CASR: variants seen among roughly 807,000 people sequenced by gnomAD.
CASR encodes the protein calcium sensing receptor, also known as extracellular calcium-sensing receptor.
CASR carries 23 observed loss-of-function variants against 69.1 expected under a neutral mutation model. That is an observed-to-expected ratio of 0.33 (90% CI 0.24 to 0.47). The LOEUF (loss-of-function observed/expected upper bound fraction) is 0.47, where lower values mean the gene tolerates loss of function less well. Among genes scored for constraint, CASR ranks in the 20% least tolerant of loss-of-function variants. CASR has a pLI of 1.00. For synonymous variants in CASR, 541 were observed against 544.7 expected (o/e 0.99, Z 0.10); for missense variants, 924 against 1,356.1 (o/e 0.68, Z 5.00).
intron 1 of CASR, among the ~76,000 whole-genome samples, chr3:122,213,972 G>T (rs1326613009): frequency 2.0e-5 from 3 of 152,188 alleles, no homozygotes; most frequent in African/African-American, 7.2e-5. Context: ...TCAGTGTCTT[G>T]TCTGCCCATG....
intron 1 of CASR, among the ~76,000 whole-genome samples, chr3:122,192,110 G>A (rs1250035699): frequency 6.6e-6 from 1 of 152,194 alleles, no homozygotes; most frequent in Non-Finnish European, 1.5e-5. Flanking sequence ...TGAAACACAA[G>A]AAAAAGCCTA....
At chr3:122,189,888 A>G (rs1196670549) in intron 1 of CASR, among the ~76,000 whole-genome samples, 1 of 152,158 alleles carries the variant, frequency 6.6e-6, no homozygotes, top group African/African-American at 2.4e-5. Flanking sequence ...TATCTTTCAT[A>G]TAGTTTTTCT....
At chr3:122,188,291 A>G (rs2073806473) in intron 1 of CASR, among the ~76,000 whole-genome samples, 1 of 152,246 alleles carries the variant, frequency 6.6e-6, no homozygotes, top group Non-Finnish European at 1.5e-5. Flanking sequence ...GATATCGTCA[A>G]AGTAGACTCC....
At chr3:122,277,193 C>G (rs35991472) in intron 5 of CASR, among the ~76,000 whole-genome samples, 54 of 151,746 alleles carry the variant, frequency 3.6e-4, no homozygotes, top group Non-Finnish European at 4.4e-4. Context: ...GAATTACAGG[C>G]GCACCACCAC....
intron 1 of CASR, among the ~76,000 whole-genome samples, chr3:122,233,195 G>A (rs189441604): frequency 5.8e-4 from 88 of 152,192 alleles, no homozygotes; most frequent in African/African-American, 1.9e-3. Context: ...CCCCAAAATC[G>A]CCTACCACAA....
At chr3:122,190,627 G>C (rs539451206) in intron 1 of CASR, among the ~76,000 whole-genome samples, 1 of 152,174 alleles carries the variant, frequency 6.6e-6, no homozygotes, top group Non-Finnish European at 1.5e-5. Flanking sequence ...CATAGACAGC[G>C]TGTCTTATTC....
chr3:122,277,264 C>T (rs985674601), intron 5 of CASR, among the ~76,000 whole-genome samples: 14 of 152,114 alleles, frequency 9.2e-5, no homozygotes, highest in Non-Finnish European at 1.9e-4. Flanking sequence ...CCAGGCTGGT[C>T]ACGAACTCCT....
Position 122,284,877 on chromosome 3 carries a change from T to C in CASR, c.2923T>C (p.Phe975Leu), listed in dbSNP as rs1369350273. 6.2e-7 allele frequency: 1 copy of C among 1,614,176 alleles called. No homozygotes were observed. The highest frequency in any genetic ancestry group is 1.1e-5 in the South Asian group (1 of 91,082). The change falls in exon 7 of 7, where the codon TTC becomes CTC. Residue 975 changes from phenylalanine (F) to leucine (L), a missense_variant. By Grantham distance (22) the Phe-to-Leu change is conservative (BLOSUM62 0). Coordinates refer to ENST00000639785, the MANE Select transcript of CASR (RefSeq NM_000388.4). ...CATCTTTGGCAGCGGCACGGTCACC[T>C]TCTCACTGAGCTTTGATGAGCCTCA... ...KVIFGSGTVTFSLSFDEPQKN... is the reference protein window; with the variant it reads ...KVIFGSGTVTLSLSFDEPQKN...
intron 1 of CASR, among the ~76,000 whole-genome samples, chr3:122,203,342 A>G (rs938366869): frequency 6.6e-6 from 1 of 152,168 alleles, no homozygotes; most frequent in African/African-American, 2.4e-5. Context: ...TTGTTAGGTG[A>G]TTTCATTATT....
At chr3:122,217,631 C>T (rs1349853865) in intron 1 of CASR, among the ~76,000 whole-genome samples, 1 of 152,190 alleles carries the variant, frequency 6.6e-6, no homozygotes, top group Non-Finnish European at 1.5e-5. Flanking sequence ...CTTATCAGCT[C>T]ATCTTACACC....
rs1055922551 is a variant in CASR, at chr3:122,285,918, G to A, written c.*727G>A. On this transcript the variant is annotated 3_prime_UTR_variant, in exon 7 of 7. Coordinates refer to ENST00000639785, the MANE Select transcript of CASR (RefSeq NM_000388.4). ...TTATCCTTAGGAAAATGCTTCTGTTGTAATAGTCCATGGACAATATAAACT... is the reference window on the plus strand; with the variant it reads ...TTATCCTTAGGAAAATGCTTCTGTTATAATAGTCCATGGACAATATAAACT... The A allele has an allele frequency of 2.6e-5, 4 of 153,554 alleles. No individual in the cohort carries two copies. Among genetic ancestry groups the A allele is most frequent in the African/African-American group, 9.7e-5 (4 of 41,420 alleles). 9.5% of individuals were successfully genotyped at this position (153,554 alleles called of 1,614,324 possible).
chr3:122,232,576 G>T (rs558683132), intron 1 of CASR, among the ~76,000 whole-genome samples: 1 of 152,212 alleles, frequency 6.6e-6, no homozygotes, highest in Non-Finnish European at 1.5e-5. Context: ...GAGAGGGAGA[G>T]TGGTGTGGGA....
At chr3:122,228,137 C>T (rs1479039128) in intron 1 of CASR, among the ~76,000 whole-genome samples, 2 of 152,148 alleles carry the variant, frequency 1.3e-5, no homozygotes, top group African/African-American at 4.8e-5. Context: ...TAGTATTGGA[C>T]AAGTCACTTA....
chr3:122,237,874 G>C (rs1026355975), intron 1 of CASR, among the ~76,000 whole-genome samples: 2 of 152,172 alleles, frequency 1.3e-5, no homozygotes, highest in African/African-American at 4.8e-5. Flanking sequence ...CTTTTTGGTA[G>C]TATCTACTAA....
In CASR at chr3:122,283,892, C is replaced by G; in HGVS notation, c.1938C>G (p.Thr646=). Residue 646 remains threonine (T), a synonymous_variant, in exon 7 of 7, where the codon ACC becomes ACG. Coordinates refer to ENST00000639785, the MANE Select transcript of CASR (RefSeq NM_000388.4). The part of the protein sequence containing the change: ...KFRNTPIVKA[T]NRELSYLLLF... ...GCAACACACCCATTGTCAAGGCCAC[C>G]AACCGAGAGCTCTCCTACCTCCTCC... is the stretch of plus-strand genomic sequence containing the variant. The G allele has an allele frequency of 6.2e-7, 1 of 1,613,816 alleles. No homozygotes were observed.
intron 4 of CASR, 73 bp from the exon 5 acceptor site, chr3:122,275,739 G>T (rs1289405234): frequency 4.1e-6 from 4 of 969,340 alleles, no homozygotes; most frequent in Non-Finnish European, 6.7e-6. Flanking sequence ...CCGTTGTTGT[G>T]CAGGGCACAG....
chr3:122,254,821 G>A (rs1454828037), intron 2 of CASR, among the ~76,000 whole-genome samples: 1 of 151,674 alleles, frequency 6.6e-6, no homozygotes, highest in Non-Finnish European at 1.5e-5. Flanking sequence ...TTTTTTTAAG[G>A]CATTTAAGTT....
intron 1 of CASR, among the ~76,000 whole-genome samples, chr3:122,185,835 G>A (rs2073774302): frequency 6.6e-6 from 1 of 152,154 alleles, no homozygotes. Flanking sequence ...AAAGGGGAGG[G>A]GAAGATGTAG....
intron 1 of CASR, among the ~76,000 whole-genome samples, chr3:122,200,420 GCT>G (rs1305969311): frequency 2.0e-5 from 3 of 152,000 alleles, no homozygotes; most frequent in African/African-American, 7.3e-5. Flanking sequence ...ACCAGAAACA[GCT>G]GTTTCTGGTA....
Sources: allele counts gnomAD v4.1 joint callset (sites outside exome capture counted in the v4.1 genomes callset), GRCh38; gene constraint gnomAD v4.1.1; transcripts MANE v1.5; gene names NCBI Gene and HGNC (gene_info 2026-07-23, HGNC 2026-07-21).